Variants in ZEB1 observed in about 807,000 individuals in gnomAD.
ZEB1 encodes zinc finger E-box-binding homeobox 1.
Under a neutral mutation model 84.9 loss-of-function variants are expected in ZEB1, and 21 were observed. The ratio of observed to expected loss-of-function variants is 0.25; its 90% CI spans 0.18 to 0.36. ZEB1 has a LOEUF of 0.36. ZEB1 is among the 10% of genes least tolerant of loss of function. The pLI is 1.00. For missense variants in ZEB1, 1,104 were observed against 1,330.2 expected (o/e 0.83, Z 2.65); for synonymous variants, 420 against 471.1 (o/e 0.89, Z 1.41).
chr10:31,511,003 T>C (rs1271682928), intron 5 of ZEB1, 128 bp downstream of exon 5: 2 of 881,542 alleles, frequency 2.3e-6, no homozygotes, highest in East Asian at 2.7e-5. Flanking sequence ...TCTGCAGCCT[T>C]ATAAAAGTGA....
rs921931802 is a variant in ZEB1 at position 31,452,787 on chromosome 10, G to A, written c.59-8250G>A. Reference sequence around the variant, plus strand: ...AGAGAGAGAGAGAGATGTTATTGTAGTCCCAATTGATGTTAAAGAATAATG... The same window carrying A: ...AGAGAGAGAGAGAGATGTTATTGTAATCCCAATTGATGTTAAAGAATAATG... On this transcript the variant is annotated intron_variant, in intron 1 of 8. Transcript: ENST00000424869. Among the ~76,000 whole-genome samples, 7 of 141,726 alleles carry A rather than the reference G, an allele frequency of 4.9e-5. No individual in the cohort carries two copies. The Admixed American group carries it at 5.0e-4, about 10-fold the overall frequency. 93.0% of individuals were successfully genotyped at this position (141,726 alleles called of 152,430 possible).
chr10:31,426,821 C>T (rs2056990880), intron 1 of ZEB1, among the ~76,000 whole-genome samples: 1 of 152,138 alleles, frequency 6.6e-6, no homozygotes, highest in South Asian at 2.1e-4. Flanking sequence ...TTTCCATAGT[C>T]ATGCTTTGGA....
chr10:31,363,128 C>A (rs1171420552), intron 1 of ZEB1: 1 of 1,533,852 alleles, frequency 6.5e-7, no homozygotes, highest in Non-Finnish European at 8.7e-7. Flanking sequence ...CTACTTGATC[C>A]AAGAGCTGCA....
At chr10:31,445,522 T>C (rs1047966734) in intron 1 of ZEB1, among the ~76,000 whole-genome samples, 2 of 151,652 alleles carry the variant, frequency 1.3e-5, no homozygotes, top group African/African-American at 4.9e-5. Context: ...TTCCAGTTTT[T>C]GCCCATTCAG....
intron 1 of ZEB1, among the ~76,000 whole-genome samples, chr10:31,397,784 T>C (rs529558989): frequency 1.3e-5 from 2 of 152,314 alleles, no homozygotes; most frequent in South Asian, 4.1e-4. Flanking sequence ...TATGTGGCCC[T>C]CAAAGTCTAT....
At chr10:31,438,607 C>T (rs548730754) in intron 1 of ZEB1, among the ~76,000 whole-genome samples, 12 of 152,086 alleles carry the variant, frequency 7.9e-5, no homozygotes, top group South Asian at 2.1e-4. Flanking sequence ...AAGGCCAAGC[C>T]GGAGGATTGC....
At chr10:31,425,079 C>T (rs1324980297) in intron 1 of ZEB1, among the ~76,000 whole-genome samples, 2 of 151,840 alleles carry the variant, frequency 1.3e-5, no homozygotes, top group Admixed American at 6.6e-5. Context: ...AGTTGTTACT[C>T]TGGGAGGAAT....
intron 1 of ZEB1, among the ~76,000 whole-genome samples, chr10:31,322,777 A>T (rs2034476267): frequency 6.7e-6 from 1 of 148,634 alleles, no homozygotes. Flanking sequence ...AGAGAGATGT[A>T]CTCTACTAAT....
chr10:31,343,611 A>T (rs907195994), intron 1 of ZEB1, among the ~76,000 whole-genome samples: 44 of 152,050 alleles, frequency 2.9e-4, no homozygotes, highest in African/African-American at 1.1e-3. Flanking sequence ...ATTCTGTCAT[A>T]GCTCTTAGGA....
chr10:31,318,889 A>G (rs901204352), upstream of ZEB1: 19 of 375,578 alleles, frequency 5.1e-5, no homozygotes, highest in East Asian at 6.5e-5. Flanking sequence ...CGAGCCTCCA[A>G]CTTTACCTTT....
intron 2 of ZEB1, among the ~76,000 whole-genome samples, chr10:31,494,604 A>G (rs1462131307): frequency 6.6e-6 from 1 of 152,006 alleles, no homozygotes; most frequent in East Asian, 1.9e-4. Flanking sequence ...GTGCAATTTG[A>G]TTAGGGTGCA....
intron 1 of ZEB1, among the ~76,000 whole-genome samples, chr10:31,336,621 A>G (rs1180607727): frequency 6.6e-6 from 1 of 152,150 alleles, no homozygotes; most frequent in Non-Finnish European, 1.5e-5. Flanking sequence ...CACATATCAA[A>G]ATCTACCACC....
chr10:31,446,841 T>TC (rs1233234045), intron 1 of ZEB1, among the ~76,000 whole-genome samples: 25 of 151,500 alleles, frequency 1.7e-4, no homozygotes, highest in Non-Finnish European at 3.4e-4. Flanking sequence ...AAGTATGTGG[T>TC]CAATTTTGGA....
At chr10:31,362,443 G>T (rs1180498854) in intron 1 of ZEB1, among the ~76,000 whole-genome samples, 21 of 146,988 alleles carry the variant, frequency 1.4e-4, no homozygotes, top group East Asian at 4.2e-4. Context: ...TCGCAGACGG[G>T]ACGGTGGCTG....
chr10:31,320,074 A>C (rs1330588662), intron 1 of ZEB1: 3 of 150,510 alleles, frequency 2.0e-5, no homozygotes, highest in African/African-American at 7.3e-5. Context: ...GCGGGTCCCT[A>C]AGCGCCCCTC....
At chr10:31,441,854 T>G (rs970452563) in intron 1 of ZEB1, among the ~76,000 whole-genome samples, 36 of 152,270 alleles carry the variant, frequency 2.4e-4, no homozygotes, top group Admixed American at 3.9e-4. Context: ...AAAACCACAA[T>G]GAGATACCAT....
chr10:31,430,159 A>G (rs1236913828), intron 1 of ZEB1, among the ~76,000 whole-genome samples: 1 of 152,202 alleles, frequency 6.6e-6, no homozygotes, highest in Non-Finnish European at 1.5e-5. Context: ...ATTTCTTATT[A>G]AACTTGTAAA....
chr10:31,520,407 A>C lies in ZEB1; in HGVS notation c.1075A>C (p.Ile359Leu). ...ACCTGTGGATTATGAATTCAAACCC[A>C]TAGTGGTTGCTTCAGGAATCAACTG... is the stretch of plus-strand genomic sequence containing the variant. ...TEPVDYEFKP[I>L]VVASGINCST... The change falls in exon 7 of 9, where the codon ATA (isoleucine) becomes CTA (leucine). Residue 359 changes from isoleucine (I) to leucine (L), a missense_variant. Physicochemically the swap from Ile to Leu is conservative, Grantham distance 5 (BLOSUM62 2). Transcript: ENST00000424869. The surrounding 1 kb of genome is among the most constrained non-coding windows in gnomAD (Gnocchi z 5.1). 1.2e-6 allele frequency: 2 copies of C among 1,613,970 alleles called. No homozygotes were observed. Among genetic ancestry groups the C allele is most frequent in the Non-Finnish European group, 1.7e-6 (2 of 1,179,956 alleles).
intron 2 of ZEB1, among the ~76,000 whole-genome samples, chr10:31,481,413 A>T (rs2065025189): frequency 6.6e-6 from 1 of 152,100 alleles, no homozygotes; most frequent in Admixed American, 6.6e-5. Context: ...CTCCAGTAGA[A>T]GGTACTATGC....
Sources: allele counts gnomAD v4.1 joint callset (sites outside exome capture counted in the v4.1 genomes callset), GRCh38; gene constraint gnomAD v4.1.1; non-coding constraint Gnocchi (gnomAD v3.1); transcripts MANE v1.5; gene names NCBI Gene and HGNC (gene_info 2026-07-23, HGNC 2026-07-21).